The following GRM3 variants were observed in gnomAD, a reference collection of about 807,000 sequenced individuals.
GRM3 encodes glutamate metabotropic receptor 3, also known as metabotropic glutamate receptor 3.
A neutral mutation model predicts 70.5 loss-of-function variants in GRM3; 26 were observed. That is an observed-to-expected ratio of 0.37 (90% confidence interval 0.27 to 0.51). GRM3 has a LOEUF of 0.51. GRM3 is among the 20% of genes least tolerant of loss of function. The pLI, the probability that GRM3 is intolerant of heterozygous loss-of-function variation, is 0.93. For missense variants in GRM3, 859 were observed against 1,123.8 expected, an observed-to-expected ratio of 0.76 and a Z score of 3.37; for synonymous variants, 443 against 434.9, an observed-to-expected ratio of 1.02 and a Z score of -0.23.
intron 1 of GRM3, among the ~76,000 whole-genome samples, chr7:86,699,985 C>A (rs988869561): frequency 3.9e-5 from 6 of 151,910 alleles, no homozygotes; most frequent in African/African-American, 1.4e-4. Flanking sequence ...TAAGAGGTAA[C>A]CCACACTAGG....
At position 86,714,746 on chromosome 7, in the gene GRM3, T is replaced by C. The variant is rs189358264; in HGVS notation, c.-140-50260T>C. On this transcript the variant is annotated intron_variant, in intron 1 of 5. Coordinates refer to ENST00000361669, the MANE Select transcript of GRM3 (RefSeq NM_000840.3). ...GTATAGGATAAGCATGGACATTATA[T>C]ATAACTATGATTCAGGAAAATATTT... 1.8e-3 allele frequency among the ~76,000 whole-genome samples: 280 copies of C among 152,104 alleles called. 1 individual carries two copies. Among genetic ancestry groups the C allele is most frequent in the African/African-American group, 6.3e-3 (260 of 41,508 alleles).
At chr7:86,742,404 G>A (rs569017640) in intron 1 of GRM3, among the ~76,000 whole-genome samples, 1 of 151,978 alleles carries the variant, frequency 6.6e-6, no homozygotes, top group Non-Finnish European at 1.5e-5. Context: ...GCTTTATTGA[G>A]GTATAGTTGA....
intron 1 of GRM3, among the ~76,000 whole-genome samples, chr7:86,743,320 A>T (rs1761444296): frequency 6.6e-6 from 1 of 152,142 alleles, no homozygotes; most frequent in African/African-American, 2.4e-5. Context: ...ATATCCCATG[A>T]TATCACAAAA....
intron 3 of GRM3, among the ~76,000 whole-genome samples, chr7:86,807,418 T>C (rs371515331): frequency 6.7e-6 from 1 of 148,856 alleles, no homozygotes; most frequent in East Asian, 1.9e-4. Context: ...TCTTTTATTT[T>C]GTTGAGCAGT....
chr7:86,839,530 G>A lies in GRM3; in HGVS notation c.2016G>A (p.Gly672=), dbSNP rs142703011. ...ACTGCATTGCCCGCATCTTCGATGG[G>A]GTCAAGAATGGCGCTCAGAGGCCAA... ...KTNCIARIFD[G]VKNGAQRPKF... The change falls in exon 4 of 6, where the codon GGG becomes GGA. Residue 672 remains glycine (G), a synonymous_variant. Transcript: ENST00000361669. The surrounding 1 kb of genome is among the most constrained non-coding windows in gnomAD (Gnocchi z 4.5). The A allele has an allele frequency of 3.5e-5, 56 of 1,607,738 alleles. No individual in the cohort carries two copies. In the African/African-American group the frequency reaches 6.8e-4, roughly 20 times the overall value.
At chr7:86,805,729 T>C (rs1797776321) in intron 3 of GRM3, among the ~76,000 whole-genome samples, 1 of 152,180 alleles carries the variant, frequency 6.6e-6, no homozygotes, top group African/African-American at 2.4e-5. Flanking sequence ...CAATATGCAT[T>C]TAAGATTGCA....
At chr7:86,675,364 C>T (rs1182421197) in intron 1 of GRM3, among the ~76,000 whole-genome samples, 1 of 152,188 alleles carries the variant, frequency 6.6e-6, no homozygotes, top group Non-Finnish European at 1.5e-5. Flanking sequence ...AACACCATAT[C>T]CCTGCTTCCA....
intron 3 of GRM3, among the ~76,000 whole-genome samples, chr7:86,828,389 C>T (rs1212926465): frequency 6.6e-6 from 1 of 152,158 alleles, no homozygotes; most frequent in Non-Finnish European, 1.5e-5. Flanking sequence ...ACTATATACA[C>T]ACTTTTGCAC....
At chr7:86,724,595 T>A (rs1795549079) in intron 1 of GRM3, among the ~76,000 whole-genome samples, 1 of 152,164 alleles carries the variant, frequency 6.6e-6, no homozygotes, top group African/African-American at 2.4e-5. Flanking sequence ...ATCAGCTGAA[T>A]CAGTGTTCCT....
chr7:86,801,125 C>T (rs1047795597), intron 3 of GRM3, among the ~76,000 whole-genome samples: 9 of 133,990 alleles, frequency 6.7e-5, no homozygotes, highest in Non-Finnish European at 1.4e-4. Flanking sequence ...AACTGGAGTG[C>T]AGTGGCATGA....
chr7:86,823,862 T>A (rs1424711374), intron 3 of GRM3, among the ~76,000 whole-genome samples: 3 of 152,140 alleles, frequency 2.0e-5, no homozygotes, highest in Admixed American at 1.3e-4. Flanking sequence ...CCACAATCTG[T>A]GACTAAATGT....
intron 2 of GRM3, among the ~76,000 whole-genome samples, chr7:86,766,849 C>T (rs982734999): frequency 4.6e-5 from 7 of 152,230 alleles, no homozygotes; most frequent in Admixed American, 4.6e-4. Context: ...ATGTCATGAA[C>T]CACTTAAATT....
Position 86,864,233 on chromosome 7 carries a change from GTGTCCCACTTGACTAACTTTGAGTTTTC to G in GRM3, c.2567-38_2567-11del, listed in dbSNP as rs751628057. ...TTGTATCCTTCATGCTATTACCTTT[GTGTCCCACTTGACTAACTTTGAGTTTTC>G]TGTCCCACTTTGTTTTCCAGCCTCT... On this transcript the variant is annotated intron_variant, in intron 5 of 5. Coordinates refer to ENST00000361669, the MANE Select transcript of GRM3 (RefSeq NM_000840.3). The G allele has an allele frequency of 1.9e-5, 17 of 902,784 alleles. 1 individual carries two copies. In the Middle Eastern group the frequency reaches 3.0e-3, roughly 160 times the overall value. 55.9% of individuals were successfully genotyped at this position (902,784 alleles called of 1,614,324 possible).
rs116622431 is a variant in GRM3, at chr7:86,820,216, T to G, written c.1325-18623T>G. On this transcript the variant is annotated intron_variant, in intron 3 of 5. Transcript: ENST00000361669. Reference sequence around the variant, plus strand: ...CAATATTGTGGAAAAGGAGACTGGATATTCGAAAACCAAATATCGAATGGT... The same window carrying G: ...CAATATTGTGGAAAAGGAGACTGGAGATTCGAAAACCAAATATCGAATGGT... Among the ~76,000 whole-genome samples, 387 of 152,270 alleles carry G rather than the reference T, an allele frequency of 2.5e-3. 1 individual carries two copies. The highest frequency in any genetic ancestry group is 9.1e-3 in the African/African-American group (378 of 41,568).
chr7:86,708,926 C>G (rs1795125727), intron 1 of GRM3, among the ~76,000 whole-genome samples: 2 of 126,050 alleles, frequency 1.6e-5, no homozygotes, highest in South Asian at 3.3e-4. Flanking sequence ...TAGCTCGAAT[C>G]TCTGTCACAC....
intron 5 of GRM3, 148 bp from the exon 6 acceptor site, chr7:86,864,134 T>C: frequency 1.6e-6 from 1 of 611,408 alleles, no homozygotes. Flanking sequence ...CTGGGTAGTA[T>C]ACACTGAACT....
intron 1 of GRM3, among the ~76,000 whole-genome samples, chr7:86,702,304 T>C (rs555044531): frequency 1.3e-5 from 2 of 152,130 alleles, no homozygotes; most frequent in South Asian, 2.1e-4. Flanking sequence ...TCAGGGTTGA[T>C]CAGCCTGGCT....
chr7:86,826,347 C>T (rs1184261280), intron 3 of GRM3, among the ~76,000 whole-genome samples: 2 of 152,150 alleles, frequency 1.3e-5, no homozygotes, highest in Non-Finnish European at 2.9e-5. Context: ...ATCTCCTGCT[C>T]CTGCTGCAGA....
intron 1 of GRM3, among the ~76,000 whole-genome samples, chr7:86,758,454 AGAG>A (rs1304968424): frequency 6.6e-6 from 1 of 152,202 alleles, no homozygotes; most frequent in Non-Finnish European, 1.5e-5. Flanking sequence ...GCTCTAATTC[AGAG>A]GCTTTGTAAT....
Sources: gnomAD v4.1 joint callset for allele counts (sites outside exome capture counted in the v4.1 genomes callset) on GRCh38, gnomAD v4.1.1 for gene constraint, Gnocchi (gnomAD v3.1) non-coding constraint, MANE v1.5 for transcripts, NCBI Gene and HGNC (gene_info 2026-07-23, HGNC 2026-07-21) for gene names.